ULK4: variants seen among roughly 807,000 people sequenced by gnomAD.
The protein encoded by ULK4 is inactive serine/threonine-protein kinase ULK4.
A neutral mutation model predicts 160.6 loss-of-function variants in ULK4; 133 were observed. The observed-to-expected ratio is 0.83, with a 90% CI of 0.72 to 0.96. The LOEUF is 0.96. Ranked by LOEUF, ULK4 falls within the 40% of genes least tolerant of loss-of-function variation. The pLI, the probability that ULK4 is intolerant of heterozygous loss-of-function variation, is 0.00. For missense variants in ULK4, 1,580 were observed against 1,499.5 expected (o/e 1.05, Z -0.89); for synonymous variants, 534 against 539.8 (o/e 0.99, Z 0.15).
At chr3:41,322,033 T>C (rs1217944687) in intron 35 of ULK4, among the ~76,000 whole-genome samples, 1 of 142,690 alleles carries the variant, frequency 7.0e-6, no homozygotes, top group Non-Finnish European at 1.5e-5. Context: ...TATTTTATTT[T>C]ATTTTATTTA....
intron 34 of ULK4, among the ~76,000 whole-genome samples, chr3:41,408,291 G>C (rs2082335753): frequency 6.6e-6 from 1 of 151,646 alleles, no homozygotes; most frequent in Non-Finnish European, 1.5e-5. Flanking sequence ...AGCTGGGCAT[G>C]GTGGCGGGCG....
intron 35 of ULK4, among the ~76,000 whole-genome samples, chr3:41,385,724 G>A (rs971012797): frequency 6.6e-6 from 1 of 152,082 alleles, no homozygotes; most frequent in African/African-American, 2.4e-5. Context: ...TGCTTGCAGT[G>A]GATCATGATG....
At chr3:41,948,241 A>T (rs556654491) in intron 2 of ULK4, among the ~76,000 whole-genome samples, 1 of 152,250 alleles carries the variant, frequency 6.6e-6, no homozygotes, top group African/African-American at 2.4e-5. Flanking sequence ...ACTTGAGGTC[A>T]GGAGTTTGAG....
chr3:41,407,095 A>C (rs1435893313), intron 34 of ULK4, among the ~76,000 whole-genome samples: 2 of 152,190 alleles, frequency 1.3e-5, no homozygotes, highest in Non-Finnish European at 2.9e-5. Context: ...AGTTGATAAG[A>C]CAAAGTAACA....
intron 35 of ULK4, among the ~76,000 whole-genome samples, chr3:41,290,045 T>G (rs1474229933): frequency 6.6e-6 from 1 of 152,062 alleles, no homozygotes; most frequent in African/African-American, 2.4e-5. Flanking sequence ...CTGGCTAATT[T>G]TGTATTTTTA....
intron 35 of ULK4, among the ~76,000 whole-genome samples, chr3:41,315,255 C>T (rs923427680): frequency 2.0e-5 from 3 of 152,052 alleles, no homozygotes; most frequent in Non-Finnish European, 4.4e-5. Context: ...CTCATTTTGG[C>T]TTGGAAACTC....
chr3:41,733,864 A>G (rs769551960), intron 22 of ULK4, among the ~76,000 whole-genome samples: 10 of 150,964 alleles, frequency 6.6e-5, no homozygotes, highest in Non-Finnish European at 1.5e-4. Context: ...CCTCCCAAGT[A>G]GCTGTGATTA....
chr3:41,270,564 G>A (rs9820765), intron 35 of ULK4, among the ~76,000 whole-genome samples: 45,108 of 152,008 alleles, frequency 0.3, 7,072 homozygotes, highest in Middle Eastern at 0.35. Context: ...TCAACCTTCT[G>A]GATCCAAGGT....
intron 32 of ULK4, among the ~76,000 whole-genome samples, chr3:41,531,413 C>T (rs754520957): frequency 2.7e-5 from 3 of 112,332 alleles, no homozygotes; most frequent in Non-Finnish European, 5.0e-5. Flanking sequence ...TGTACTCCAG[C>T]CTAGGTGACA....
intron 4 of ULK4, among the ~76,000 whole-genome samples, chr3:41,935,591 C>T (rs993920761): frequency 6.6e-6 from 1 of 151,016 alleles, no homozygotes; most frequent in African/African-American, 2.4e-5. Flanking sequence ...GAACTCCTGA[C>T]CTCAAGTGAT....
chr3:41,735,682 T>A (rs1023797675), intron 22 of ULK4, among the ~76,000 whole-genome samples: 1 of 139,520 alleles, frequency 7.2e-6, no homozygotes, highest in African/African-American at 3.0e-5. Flanking sequence ...CCACTCTAAG[T>A]CCATTTTATT....
At chr3:41,489,913 CTTTA>C (rs1021885785) in intron 32 of ULK4, among the ~76,000 whole-genome samples, 1 of 152,102 alleles carries the variant, frequency 6.6e-6, no homozygotes, top group African/African-American at 2.4e-5. Context: ...TCTTTCCCAA[CTTTA>C]TTTATTTACC....
intron 30 of ULK4, among the ~76,000 whole-genome samples, chr3:41,619,251 A>T (rs2033127929): frequency 6.6e-6 from 1 of 152,104 alleles, no homozygotes; most frequent in Non-Finnish European, 1.5e-5. Flanking sequence ...TCAGGACTTG[A>T]ACTCAGCTCT....
chr3:41,915,834 T>C, intron 8 of ULK4, 143 bp downstream of exon 8: 1 of 553,422 alleles, frequency 1.8e-6, no homozygotes, highest in Non-Finnish European at 3.2e-6. Flanking sequence ...TGAATAGCTA[T>C]TTGTATATTA....
At chr3:41,914,424 G>A (rs1420330031) in intron 8 of ULK4, among the ~76,000 whole-genome samples, 1 of 152,228 alleles carries the variant, frequency 6.6e-6, no homozygotes, top group East Asian at 1.9e-4. Flanking sequence ...AAGGCACACT[G>A]TAGATGAGAG....
At chr3:41,900,687 A>G (rs775689071) in intron 13 of ULK4, 38 bp downstream of exon 13, 9 of 1,480,714 alleles carry the variant, frequency 6.1e-6, no homozygotes, top group South Asian at 3.5e-5. Context: ...AGATCTCAGT[A>G]AAGTCTACAA....
chr3:41,267,679 C>T (rs1461466437), intron 35 of ULK4, among the ~76,000 whole-genome samples: 1 of 152,158 alleles, frequency 6.6e-6, no homozygotes, highest in Non-Finnish European at 1.5e-5. Context: ...TTCTGCATGA[C>T]TCTTAGAGCC....
At chr3:41,553,469 G>A (rs1412147164) in intron 32 of ULK4, among the ~76,000 whole-genome samples, 3 of 151,898 alleles carry the variant, frequency 2.0e-5, no homozygotes, top group Admixed American at 6.6e-5. Flanking sequence ...ACATAAAACC[G>A]CCAACAGGTA....
At chr3:41,332,962 C>A (rs980760481) in intron 35 of ULK4, among the ~76,000 whole-genome samples, 19 of 152,318 alleles carry the variant, frequency 1.2e-4, no homozygotes, top group African/African-American at 4.3e-4. Flanking sequence ...CTAGTCATCT[C>A]ATCTGAAACA....
Sources: gnomAD v4.1 joint callset for allele counts (sites outside exome capture counted in the v4.1 genomes callset) on GRCh38, gnomAD v4.1.1 for gene constraint, MANE v1.5 for transcripts, NCBI Gene and HGNC (gene_info 2026-07-23, HGNC 2026-07-21) for gene names.